Variants in KCNK18 observed in about 807,000 individuals in gnomAD.
KCNK18 encodes potassium channel subfamily K member 18.
Under a neutral mutation model 11.8 loss-of-function variants are expected in KCNK18, and 8 were observed. That is an observed-to-expected ratio of 0.68 (90% CI 0.40 to 1.22). The LOEUF (loss-of-function observed/expected upper bound fraction) is 1.22, where lower values mean the gene tolerates loss of function less well. Among genes scored for constraint, KCNK18 ranks in the 50% most tolerant of loss-of-function variants. The pLI, the probability that KCNK18 is intolerant of heterozygous loss-of-function variation, is 0.01. For synonymous variants in KCNK18, 208 were observed against 185.8 expected (o/e 1.12, Z -0.97); for missense variants, 442 against 465.4 (o/e 0.95, Z 0.46).
chr10:117,207,626 T>G (rs1564991822), intron 2 of KCNK18, among the ~76,000 whole-genome samples: 1 of 152,094 alleles, frequency 6.6e-6, no homozygotes, highest in African/African-American at 2.4e-5. Flanking sequence ...CCAGCCAGAG[T>G]GGCATGGAGT....
chr10:117,207,394 C>T (rs938343928), intron 2 of KCNK18, among the ~76,000 whole-genome samples: 1 of 152,180 alleles, frequency 6.6e-6, no homozygotes, highest in Non-Finnish European at 1.5e-5. Flanking sequence ...TGTTATTGAT[C>T]TCCATTTGTA....
chr10:117,208,446 T>TA (rs1010055092), intron 2 of KCNK18, among the ~76,000 whole-genome samples: 33 of 152,006 alleles, frequency 2.2e-4, no homozygotes, highest in East Asian at 5.8e-4. Flanking sequence ...ATCTTACAGA[T>TA]AAAAAAAACC....
At chr10:117,200,675 G>C (rs1678042) in intron 1 of KCNK18, among the ~76,000 whole-genome samples, 80,650 of 151,844 alleles carry the variant, frequency 0.53, 23,286 homozygotes, top group Middle Eastern at 0.66. Context: ...GCATGGGTGT[G>C]GTAGTACGCC....
chr10:117,204,197 G>A (rs1855048720), intron 2 of KCNK18, among the ~76,000 whole-genome samples: 1 of 149,076 alleles, frequency 6.7e-6, no homozygotes, highest in Non-Finnish European at 1.5e-5. Context: ...TGGAGGTTGA[G>A]ACTGCAGTGA....
At chr10:117,202,269 A>G (rs1025358049) in intron 2 of KCNK18, among the ~76,000 whole-genome samples, 1 of 152,190 alleles carries the variant, frequency 6.6e-6, no homozygotes, top group East Asian at 1.9e-4. Context: ...TGAGCCTTGT[A>G]CTGGGACCCA....
In KCNK18 at chr10:117,210,113, C is replaced by T. The variant is rs563802272; in HGVS notation, c.969C>T (p.Thr323=). 6.2e-7 allele frequency: 1 copy of T among 1,614,218 alleles called. No individual in the cohort carries two copies. The change falls in exon 3 of 3, where the codon ACC becomes ACT. Residue 323 remains threonine (T), a synonymous_variant. Coordinates refer to ENST00000334549, the MANE Select transcript of KCNK18 (RefSeq NM_181840.1). The stretch of plus-strand genomic sequence containing the variant: ...ATTTCTGCTTTGTCACACTCACCAC[C>T]ATTGGGTTTGGGGATACTGTTTTAG... ...AFYFCFVTLT[T]IGFGDTVLEH...
chr10:117,205,167 G>A (rs953312832), intron 2 of KCNK18, among the ~76,000 whole-genome samples: 4 of 152,136 alleles, frequency 2.6e-5, no homozygotes, highest in African/African-American at 7.2e-5. Context: ...GGTCAATCCC[G>A]TCATTCCCAA....
At chr10:117,198,084 G>A (rs1157099345) in intron 1 of KCNK18, among the ~76,000 whole-genome samples, 3 of 152,138 alleles carry the variant, frequency 2.0e-5, no homozygotes, top group South Asian at 2.1e-4. Context: ...ATCTGGGGCT[G>A]GGGTTGGGGG....
At chr10:117,208,456 C>T (rs1261036831) in intron 2 of KCNK18, among the ~76,000 whole-genome samples, 1 of 152,182 alleles carries the variant, frequency 6.6e-6, no homozygotes, top group African/African-American at 2.4e-5. Context: ...TAAAAAAAAC[C>T]TGAAAATATG....
chr10:117,209,305 C>T (rs1027357446), intron 2 of KCNK18, among the ~76,000 whole-genome samples, 192 bp from the exon 3 acceptor site: 10 of 152,192 alleles, frequency 6.6e-5, no homozygotes, highest in Non-Finnish European at 1.3e-4. Context: ...GAAGCTGTTT[C>T]ACTCCTTTCC....
chr10:117,202,885 G>GTTTT (rs750157980), intron 2 of KCNK18, among the ~76,000 whole-genome samples: 1,165 of 111,136 alleles, frequency 0.01, 155 homozygotes, highest in African/African-American at 0.02. Flanking sequence ...TTGCCTGAAT[G>GTTTT]CTTTTTTTTT....
At chr10:117,202,885 G>GTTTTTTT (rs750157980) in intron 2 of KCNK18, among the ~76,000 whole-genome samples, 2,719 of 110,786 alleles carry the variant, frequency 0.025, 434 homozygotes, top group Non-Finnish European at 0.031. Context: ...TTGCCTGAAT[G>GTTTTTTT]CTTTTTTTTT....
Position 117,197,554 on chromosome 10 carries a change from T to C in KCNK18, c.66T>C (p.Pro22=). The part of the protein sequence containing the change: ...CCPEALGKLF[P]GLCFLCFLVT... ...CAGAGGCCCTGGGAAAGCTCTTCCC[T>C]GGCCTCTGCTTCCTCTGCTTTCTGG... Residue 22 remains proline (P), a synonymous_variant, in exon 1 of 3, where the codon CCT becomes CCC. Transcript: ENST00000334549. 3 of 1,614,216 alleles carry C rather than the reference T, an allele frequency of 1.9e-6. No homozygotes were observed. Among genetic ancestry groups the C allele is most frequent in the Non-Finnish European group, 2.5e-6 (3 of 1,180,036 alleles).
rs754574739 is a variant in KCNK18, at chr10:117,210,010, T to C, written c.866T>C (p.Ile289Thr). ...ATCCCCCTCCCCATCATTGCCCTTA[T>C]TGTTTTTGCCTACATTTCCTGTGCA... Reference protein sequence around the residue: ...LDIPLPIIALIVFAYISCAAA... With the variant: ...LDIPLPIIALTVFAYISCAAA... The change falls in exon 3 of 3, where the codon ATT becomes ACT. Residue 289 changes from isoleucine (I) to threonine (T), a missense_variant. Transcript: ENST00000334549. The C allele has an allele frequency of 6.2e-7, 1 of 1,614,186 alleles. No individual in the cohort carries two copies. Among genetic ancestry groups the C allele is most frequent in the East Asian group, 2.2e-5 (1 of 44,884 alleles).
At chr10:117,204,091 A>C (rs1855047689) in intron 2 of KCNK18, among the ~76,000 whole-genome samples, 1 of 151,986 alleles carries the variant, frequency 6.6e-6, no homozygotes, top group Non-Finnish European at 1.5e-5. Context: ...ATGAGACCTC[A>C]TCTCTACAAA....
intron 2 of KCNK18, among the ~76,000 whole-genome samples, chr10:117,207,561 G>GATGA (rs1357471885): frequency 2.0e-5 from 3 of 152,202 alleles, no homozygotes; most frequent in African/African-American, 7.2e-5. Context: ...TGCATGAATG[G>GATGA]ATGAATGAAT....
chr10:117,201,366 G>C (rs1564989981), intron 2 of KCNK18, 79 bp downstream of exon 2: 3 of 1,511,294 alleles, frequency 2.0e-6, no homozygotes, highest in Non-Finnish European at 1.8e-6. Context: ...ACTGGAATTG[G>C]GGTGTGGAGA....
intron 2 of KCNK18, among the ~76,000 whole-genome samples, chr10:117,203,735 TC>T (rs1855043401): frequency 6.6e-6 from 1 of 152,034 alleles, no homozygotes; most frequent in African/African-American, 2.4e-5. Flanking sequence ...TGGGGTTTCA[TC>T]ATATTGGTCA....
chr10:117,204,702 T>A (rs751418925), intron 2 of KCNK18, among the ~76,000 whole-genome samples: 2 of 152,184 alleles, frequency 1.3e-5, no homozygotes, highest in Non-Finnish European at 2.9e-5. Flanking sequence ...GTTCTCCATG[T>A]GATTCTGATG....
Sources: allele counts gnomAD v4.1 joint callset (sites outside exome capture counted in the v4.1 genomes callset), GRCh38; gene constraint gnomAD v4.1.1; transcripts MANE v1.5; gene names NCBI Gene and HGNC (gene_info 2026-07-23, HGNC 2026-07-21).